USP22: variants seen among roughly 807,000 people sequenced by gnomAD.
The protein encoded by USP22 is ubiquitin carboxyl-terminal hydrolase 22.
In USP22, 22 loss-of-function variants were observed where a neutral mutation model predicts 68.1. That is an observed-to-expected ratio of 0.32 (90% CI 0.23 to 0.46). USP22 has a LOEUF of 0.46. Among genes scored for constraint, USP22 ranks in the 20% least tolerant of loss-of-function variants. The pLI is 1.00. For synonymous variants in USP22, 279 were observed against 274.2 expected, an observed-to-expected ratio of 1.02 and a Z score of -0.17; for missense variants, 433 against 695.8, an observed-to-expected ratio of 0.62 and a Z score of 4.25.
At chr17:21,004,121 A>G in intron 12 of USP22, 81 bp downstream of exon 12, 2 of 1,551,142 alleles carry the variant, frequency 1.3e-6, no homozygotes, top group Non-Finnish European at 1.8e-6. Context: ...TTCTAGGCTC[A>G]GACATGGGCT....
rs1298477198 is a variant in USP22, at chr17:21,001,643, C to T, written c.*1388G>A. The T allele has an allele frequency of 6.6e-6, 1 of 152,194 alleles. No individual in the cohort carries two copies. The highest frequency in any genetic ancestry group is 2.4e-5 in the African/African-American group (1 of 41,434). The allele number at this position is 152,194 out of a possible 1,614,324, so 9.4% of individuals were successfully genotyped here. A position where few individuals can be genotyped will look rare whatever the true frequency, so the allele number is the denominator to read the frequency against. On this transcript the variant is annotated 3_prime_UTR_variant, in exon 13 of 13. Transcript: ENST00000261497. ...TCTGCCCACCGCTGAGACAGATGAT[C>T]CTGTTCCTGCAGGACTGAAGAAGCC... is the stretch of plus-strand genomic sequence containing the variant.
rs1387716120 is a variant in USP22, at chr17:21,002,962, C to T, written c.*69G>A. On this transcript the variant is annotated 3_prime_UTR_variant, in exon 13 of 13. Coordinates refer to ENST00000261497, the MANE Select transcript of USP22 (RefSeq NM_015276.2). ...GCGGGAGACTTGGGGGAGGGGGGGG[C>T]CAGGGAGGATCACTTTGTGAGGCTT... 3 of 1,569,934 alleles carry T rather than the reference C, an allele frequency of 1.9e-6. No homozygotes were observed. The highest frequency in any genetic ancestry group is 1.7e-6 in the Non-Finnish European group (2 of 1,146,670).
upstream of USP22, chr17:21,043,370 G>C (rs1280473331): frequency 1.6e-5 from 3 of 189,382 alleles, no homozygotes; most frequent in South Asian, 2.1e-4. Flanking sequence ...GTACAGAGCC[G>C]CCTCCCGGGA....
At chr17:21,039,627 A>G (rs1006568396) in intron 1 of USP22, among the ~76,000 whole-genome samples, 1 of 152,132 alleles carries the variant, frequency 6.6e-6, no homozygotes, top group African/African-American at 2.4e-5. Context: ...AAGCCTGGTC[A>G]TGTTTTTGTC....
intron 1 of USP22, among the ~76,000 whole-genome samples, chr17:21,038,265 C>T (rs529143351): frequency 1.5e-4 from 23 of 150,676 alleles, no homozygotes; most frequent in African/African-American, 5.1e-4. Context: ...TACAATAGCA[C>T]GTATCAGGAA....
intron 6 of USP22, among the ~76,000 whole-genome samples, chr17:21,013,852 A>T (rs1914046904): frequency 6.6e-6 from 1 of 152,222 alleles, no homozygotes; most frequent in Non-Finnish European, 1.5e-5. Context: ...AGGCGGGCGG[A>T]TCACGAGGTT....
chr17:21,014,941 C>A (rs969197748), intron 6 of USP22, among the ~76,000 whole-genome samples: 13 of 152,160 alleles, frequency 8.5e-5, no homozygotes, highest in Non-Finnish European at 7.3e-5. Flanking sequence ...CCCTGCCCCC[C>A]ACAGATCTGC....
chr17:21,011,861 T>C (rs1243046449), intron 7 of USP22, among the ~76,000 whole-genome samples: 3 of 152,332 alleles, frequency 2.0e-5, no homozygotes, highest in Admixed American at 2.0e-4. Flanking sequence ...ATACAGGATT[T>C]AAATCTTGAG....
intron 9 of USP22, among the ~76,000 whole-genome samples, chr17:21,007,348 G>A (rs1251641200): frequency 2.6e-5 from 4 of 152,178 alleles, no homozygotes; most frequent in African/African-American, 9.7e-5. Flanking sequence ...CCTTTGCCTA[G>A]ATCAGGAGTC....
rs1159639953 is a variant in USP22 at position 21,043,002 on chromosome 17, A to G, written c.-167T>C. On this transcript the variant is annotated 5_prime_UTR_variant, in exon 1 of 13. Transcript: ENST00000261497. ...ATGGGGCTGCGCGATCGCCGAGGGG[A>G]GGCTGCAAGGCAGGCACCGCCCCCG... 3 of 339,572 alleles carry G rather than the reference A, an allele frequency of 8.8e-6. No homozygotes were observed. Among genetic ancestry groups the G allele is most frequent in the Non-Finnish European group, 1.0e-5 (2 of 195,314 alleles). 21.0% of individuals were successfully genotyped at this position (339,572 alleles called of 1,614,324 possible).
In USP22 at chr17:21,002,883, G is replaced by A. The variant is rs1361151909; in HGVS notation, c.*148C>T. On this transcript the variant is annotated 3_prime_UTR_variant, in exon 13 of 13. Transcript: ENST00000261497. ...GTCCATCCCGACCCGATGGGTCCCA[G>A]GTGCAGAGGGGCCACATCTGCATGG... 3 of 947,370 alleles carry A rather than the reference G, an allele frequency of 3.2e-6. No individual in the cohort carries two copies. Among genetic ancestry groups the A allele is most frequent in the Admixed American group, 1.8e-5 (1 of 55,228 alleles). The allele number at this position is 947,370 out of a possible 1,614,324, so 58.7% of individuals were successfully genotyped here.
At chr17:21,032,583 G>A (rs945182695) in intron 1 of USP22, among the ~76,000 whole-genome samples, 3 of 152,172 alleles carry the variant, frequency 2.0e-5, no homozygotes, top group African/African-American at 7.2e-5. Context: ...TGTTACAGCA[G>A]GCCCGGTCAC....
intron 10 of USP22, among the ~76,000 whole-genome samples, chr17:21,006,115 T>C (rs1343804733): frequency 6.6e-6 from 1 of 152,192 alleles, no homozygotes; most frequent in Non-Finnish European, 1.5e-5. Context: ...TTCCAACCTC[T>C]AGAACTGTGA....
intron 1 of USP22, among the ~76,000 whole-genome samples, chr17:21,035,286 T>C (rs1180081549): frequency 3.3e-5 from 5 of 152,216 alleles, no homozygotes. Flanking sequence ...CTCAATTCTA[T>C]CTCAATTTCT....
Position 21,033,611 on chromosome 17 carries a change from A to G in USP22, c.172-4937T>C, listed in dbSNP as rs115697742. 9.6e-3 allele frequency among the ~76,000 whole-genome samples: 1,464 copies of G among 152,336 alleles called. 21 individuals carry two copies. The highest frequency in any genetic ancestry group is 0.033 in the African/African-American group (1,376 of 41,568). ...AACATGACACACCACCTTAAGAGCT[A>G]GTGCACTTTTCACACATTACCCATG... is the stretch of plus-strand genomic sequence containing the variant. On this transcript the variant is annotated intron_variant, in intron 1 of 12. Coordinates refer to ENST00000261497, the MANE Select transcript of USP22 (RefSeq NM_015276.2).
At chr17:21,029,512 G>A (rs562883069) in intron 1 of USP22, among the ~76,000 whole-genome samples, 34 of 152,224 alleles carry the variant, frequency 2.2e-4, no homozygotes, top group Admixed American at 1.0e-3. Context: ...AAAAATACAA[G>A]ATCTTCATTT....
rs533749981 is a variant in USP22 at position 21,020,052 on chromosome 17, G to A, written c.419-867C>T. Among the ~76,000 whole-genome samples, 18 of 152,196 alleles carry A rather than the reference G, an allele frequency of 1.2e-4. No homozygotes were observed. In the South Asian group the frequency reaches 3.7e-3, roughly 32 times the overall value. On this transcript the variant is annotated intron_variant, in intron 3 of 12. Coordinates refer to ENST00000261497, the MANE Select transcript of USP22 (RefSeq NM_015276.2). ...GCTATTCTTCCCTTCTCAAAACACT[G>A]GGGTGTTTTCAATGGAGAGTAATCA... is the stretch of plus-strand genomic sequence containing the variant.
intron 3 of USP22, among the ~76,000 whole-genome samples, chr17:21,019,674 G>A (rs1330562209): frequency 2.0e-5 from 3 of 152,274 alleles, no homozygotes; most frequent in African/African-American, 7.2e-5. Context: ...TATTCAGAGA[G>A]TGGTGGTAAA....
intron 7 of USP22, chr17:21,011,528 G>A (rs988654925): frequency 1.9e-6 from 1 of 538,572 alleles, no homozygotes; most frequent in Non-Finnish European, 3.3e-6. Context: ...AACTCGGAAG[G>A]CGAGGGGCGC....
Sources: allele counts gnomAD v4.1 joint callset (sites outside exome capture counted in the v4.1 genomes callset), GRCh38; gene constraint gnomAD v4.1.1; transcripts MANE v1.5; gene names NCBI Gene and HGNC (gene_info 2026-07-23, HGNC 2026-07-21).